MS4A1: variants seen among roughly 807,000 people sequenced by gnomAD.
The protein encoded by MS4A1 is B-lymphocyte antigen CD20.
A neutral mutation model predicts 26.5 loss-of-function variants in MS4A1; 16 were observed. The ratio of observed to expected loss-of-function variants is 0.60; its 90% confidence interval spans 0.41 to 0.92. The LOEUF (loss-of-function observed/expected upper bound fraction) is 0.92, where lower values mean the gene tolerates loss of function less well. Among genes scored for constraint, MS4A1 ranks in the 40% least tolerant of loss-of-function variants. MS4A1 has a pLI of 0.00. For synonymous variants in MS4A1, 128 were observed against 117.6 expected, an observed-to-expected ratio of 1.09 and a Z score of -0.57; for missense variants, 350 against 353.0, an observed-to-expected ratio of 0.99 and a Z score of 0.07.
Position 60,468,618 on chromosome 11 carries a change from CTTACATTGAATGTAGAG to C in MS4A1, c.*151_*167del, listed in dbSNP as rs1373790707. 1.1e-5 allele frequency: 8 copies of C among 725,924 alleles called. No homozygotes were observed. The Admixed American group carries it at 1.9e-4, about 17-fold the overall frequency. The allele number at this position is 725,924 out of a possible 1,614,324, so 45.0% of individuals were successfully genotyped here. ...ATGGAGTGACCATAGCTCCTTCTCT[CTTACATTGAATGTAGAG>C]AATGTAGCCATTGTAGCAGCTTGTG... On this transcript the variant is annotated 3_prime_UTR_variant, in exon 8 of 8. Transcript: ENST00000345732.
chr11:60,461,711 G>C (rs1319106920), intron 2 of MS4A1, among the ~76,000 whole-genome samples: 2 of 151,564 alleles, frequency 1.3e-5, no homozygotes, highest in African/African-American at 4.8e-5. Flanking sequence ...GTAGAGATGG[G>C]GTTTTGCCAC....
At chr11:60,464,030 AC>A in intron 4 of MS4A1, 1 of 549,424 alleles carries the variant, frequency 1.8e-6, no homozygotes, top group South Asian at 2.2e-5. Flanking sequence ...CTTTGGTCTT[AC>A]TATATTCCTA....
At chr11:60,461,427 C>G (rs1255339605) in intron 2 of MS4A1, among the ~76,000 whole-genome samples, 2 of 151,238 alleles carry the variant, frequency 1.3e-5, no homozygotes, top group Non-Finnish European at 2.9e-5. Flanking sequence ...ACTTGCCCAA[C>G]ATCTCAGAAC....
chr11:60,463,613 G>A, intron 4 of MS4A1: 1 of 333,672 alleles, frequency 3.0e-6, no homozygotes, highest in South Asian at 2.5e-5. Flanking sequence ...TTCCAAATCT[G>A]TAACCCTGTC....
At chr11:60,458,824 G>GAT (rs1211231172) in intron 1 of MS4A1, among the ~76,000 whole-genome samples, 5 of 150,096 alleles carry the variant, frequency 3.3e-5, no homozygotes, top group Non-Finnish European at 5.9e-5. Context: ...TATATAATCA[G>GAT]ATATATATAT....
intron 3 of MS4A1, 149 bp downstream of exon 3, chr11:60,462,682 CAG>C (rs936361068): frequency 1.9e-6 from 2 of 1,078,908 alleles, no homozygotes; most frequent in African/African-American, 3.1e-5. Flanking sequence ...TGGGCCAAAT[CAG>C]GGGTGCATCA....
In MS4A1 at chr11:60,462,295, C is replaced by A; in HGVS notation, c.-80C>A. ...GAGAGAAGCATTCAGATGCATGACA[C>A]AAGGTAAGACTGCCAAAAATCTTGT... is the stretch of plus-strand genomic sequence containing the variant. On this transcript the variant is annotated 5_prime_UTR_variant, in exon 3 of 8. Transcript: ENST00000345732. 6.8e-7 allele frequency: 1 copy of A among 1,478,994 alleles called. No individual in the cohort carries two copies. Among genetic ancestry groups the A allele is most frequent in the Non-Finnish European group, 9.4e-7 (1 of 1,059,222 alleles). 91.6% of individuals were successfully genotyped at this position (1,478,994 alleles called of 1,614,324 possible). A position where few individuals can be genotyped will look rare whatever the true frequency, so the allele number is the denominator to read the frequency against.
At position 60,467,201 on chromosome 11, in the gene MS4A1, AG is replaced by A. The variant is rs1346831618; in HGVS notation, c.675+142del. Reference sequence around the variant, plus strand: ...AAAAAATTGGTCTTGGCATATTTCTAGAAAGCAAATAATATGATGTCTTGAA... The same window carrying A: ...AAAAAATTGGTCTTGGCATATTTCTAAAAGCAAATAATATGATGTCTTGAA... On this transcript the variant is annotated intron_variant, in intron 7 of 7. Coordinates refer to ENST00000345732, the MANE Select transcript of MS4A1 (RefSeq NM_152866.3). The A allele has an allele frequency of 4.2e-5, 30 of 714,730 alleles. No homozygotes were observed. The Middle Eastern group carries it at 7.0e-4, about 17-fold the overall frequency. 44.3% of individuals were successfully genotyped at this position (714,730 alleles called of 1,614,324 possible).
At chr11:60,459,239 T>C (rs1289606241) in intron 1 of MS4A1, among the ~76,000 whole-genome samples, 1 of 152,194 alleles carries the variant, frequency 6.6e-6, no homozygotes, top group Non-Finnish European at 1.5e-5. Flanking sequence ...TCCCAGCTCA[T>C]TCCATACTTG....
At position 60,468,506 on chromosome 11, in the gene MS4A1, T is replaced by G. The variant is rs771046093; in HGVS notation, c.*38T>G. The G allele has an allele frequency of 7.0e-6, 11 of 1,574,860 alleles. No homozygotes were observed. The highest frequency in any genetic ancestry group is 7.0e-6 in the Non-Finnish European group (8 of 1,146,488). ...GTTTTCTGTTTCCTTTTTTAAACAT[T>G]AGTGTTCATAGCTTCCAAGAGACAT... On this transcript the variant is annotated 3_prime_UTR_variant, in exon 8 of 8. Coordinates refer to ENST00000345732, the MANE Select transcript of MS4A1 (RefSeq NM_152866.3).
chr11:60,460,950 C>T (rs1189680198), intron 1 of MS4A1, 122 bp from the exon 2 acceptor site: 2 of 151,800 alleles, frequency 1.3e-5, no homozygotes, highest in East Asian at 3.9e-4. Flanking sequence ...TAATGCTCAG[C>T]AAAGTACAAA....
rs147754874 is a variant in MS4A1 at position 60,462,496 on chromosome 11, C to A, written c.122C>A (p.Thr41Lys). The A allele has an allele frequency of 2.5e-6, 4 of 1,614,190 alleles. No homozygotes were observed. The East Asian group carries it at 8.9e-5, about 36-fold the overall frequency. The change falls in exon 3 of 8, where the codon ACG (threonine) becomes AAG (lysine). Residue 41 changes from threonine (T) to lysine (K), a missense_variant. Transcript: ENST00000345732. ...AGGATGTCTTCACTGGTGGGCCCCACGCAAAGCTTCTTCATGAGGGAATCT... is the reference window on the plus strand; with the variant it reads ...AGGATGTCTTCACTGGTGGGCCCCAAGCAAAGCTTCTTCATGAGGGAATCT... ...FRRMSSLVGP[T>K]QSFFMRESKT...
intron 1 of MS4A1, chr11:60,457,951 T>C (rs548911767): frequency 6.6e-6 from 1 of 152,350 alleles, no homozygotes; most frequent in African/African-American, 2.4e-5. Flanking sequence ...ATTTTAGTCA[T>C]AAAAGGAGTA....
rs774206964 is a variant in MS4A1, at chr11:60,462,327, TCTC to T, written c.-44_-42del. On this transcript the variant is annotated 5_prime_UTR_variant, in exon 3 of 8. Coordinates refer to ENST00000345732, the MANE Select transcript of MS4A1 (RefSeq NM_152866.3). ...AGACTGCCAAAAATCTTGTTCTTGCTCTCCTCATTTTGTTATTTGTTTTATTTT... is the reference window on the plus strand; with the variant it reads ...AGACTGCCAAAAATCTTGTTCTTGCTCTCATTTTGTTATTTGTTTTATTTT... 1.2e-6 allele frequency: 2 copies of T among 1,608,496 alleles called. No homozygotes were observed. Among genetic ancestry groups the T allele is most frequent in the African/African-American group, 1.3e-5 (1 of 74,818 alleles).
At chr11:60,462,611 G>A (rs1379054481) in intron 3 of MS4A1, 78 bp downstream of exon 3, 4 of 1,573,684 alleles carry the variant, frequency 2.5e-6, no homozygotes, top group African/African-American at 2.7e-5. Context: ...GCCACATACA[G>A]AATTCAATCC....
rs1037401148 is a variant in MS4A1, at chr11:60,469,837, T to C, written c.*1369T>C. 6.6e-6 allele frequency: 1 copy of C among 152,090 alleles called. No individual in the cohort carries two copies. The highest frequency in any genetic ancestry group is 6.5e-5 in the Admixed American group (1 of 15,272). 9.4% of individuals were successfully genotyped at this position (152,090 alleles called of 1,614,324 possible). On this transcript the variant is annotated 3_prime_UTR_variant, in exon 8 of 8. Transcript: ENST00000345732. ...AGGGTGAAGTCACTATAATCTGTAG[T>C]CTATTATTTGGGCATTTGCTACATG...
Position 60,463,819 on chromosome 11 carries a change from A to G in MS4A1, c.280-469A>G, listed in dbSNP as rs1167539014. On this transcript the variant is annotated intron_variant, in intron 4 of 7. Coordinates refer to ENST00000345732, the MANE Select transcript of MS4A1 (RefSeq NM_152866.3). ...TCATCATCACTTCCTGTAACAGCCA[A>G]TGTTTTCATGGAGTGCCTGTGCCAT... 25 of 455,886 alleles carry G rather than the reference A, an allele frequency of 5.5e-5. No homozygotes were observed. In the East Asian group the frequency reaches 1.5e-3, roughly 27 times the overall value. The allele number at this position is 455,886 out of a possible 1,614,324, so 28.2% of individuals were successfully genotyped here.
chr11:60,465,560 A>T (rs909162588), intron 5 of MS4A1, among the ~76,000 whole-genome samples: 1 of 152,220 alleles, frequency 6.6e-6, no homozygotes, highest in African/African-American at 2.4e-5. Flanking sequence ...GCAGATAATA[A>T]ACTGGATAAT....
chr11:60,462,950 G>T, intron 3 of MS4A1, 52 bp from the exon 4 acceptor site: 1 of 1,609,230 alleles, frequency 6.2e-7, no homozygotes, highest in Non-Finnish European at 8.5e-7. Context: ...GTCTTTGCCT[G>T]CTAGCAGTGA....
Sources: allele counts gnomAD v4.1 joint callset (sites outside exome capture counted in the v4.1 genomes callset), GRCh38; gene constraint gnomAD v4.1.1; transcripts MANE v1.5; gene names NCBI Gene and HGNC (gene_info 2026-07-23, HGNC 2026-07-21).